NFYA: variants seen among roughly 807,000 people sequenced by gnomAD.
NFYA encodes the protein CAAT-box DNA binding protein subunit A.
Under a neutral mutation model 52.8 loss-of-function variants are expected in NFYA, and 28 were observed. That is an observed-to-expected ratio of 0.53 (90% CI 0.39 to 0.73). The LOEUF (loss-of-function observed/expected upper bound fraction) is 0.73. Among genes scored for constraint, NFYA ranks in the 30% least tolerant of loss-of-function variants. NFYA has a pLI of 0.00. For missense variants in NFYA, 234 were observed against 427.0 expected (o/e 0.55, Z 3.98); for synonymous variants, 150 against 150.7 (o/e 1.00, Z 0.03).
chr6:41,081,476 C>T (rs1403313826), intron 3 of NFYA, among the ~76,000 whole-genome samples: 3 of 150,134 alleles, frequency 2.0e-5, no homozygotes, highest in East Asian at 3.9e-4. Context: ...GGTGACAGAG[C>T]GAGACTCCGT....
In NFYA at chr6:41,100,308, A is replaced by C. The variant is rs1764464167; in HGVS notation, c.*2898A>C. Among the ~76,000 whole-genome samples, 1 of 152,224 alleles carries C rather than the reference A, an allele frequency of 6.6e-6. No individual in the cohort carries two copies. The highest frequency in any genetic ancestry group is 2.4e-5 in the African/African-American group (1 of 41,464). On this transcript the variant is annotated 3_prime_UTR_variant, in exon 10 of 10. Transcript: ENST00000341376. ...ACAGCCTTAAGTATTGTAGAATTTC[A>C]GGTAGTGAAGATGTACTATTTACGT... is the stretch of plus-strand genomic sequence containing the variant.
chr6:41,096,751 T>C (rs1312255614), intron 9 of NFYA, among the ~76,000 whole-genome samples: 1 of 152,200 alleles, frequency 6.6e-6, no homozygotes, highest in African/African-American at 2.4e-5. Flanking sequence ...CGGTAGGTCT[T>C]AAGTGAGAAA....
intron 9 of NFYA, 44 bp downstream of exon 9, chr6:41,094,541 A>G: frequency 6.6e-7 from 1 of 1,512,470 alleles, no homozygotes; most frequent in Non-Finnish European, 9.2e-7. Context: ...ATTACCTTGT[A>G]TTGACTTGAG....
chr6:41,091,846 C>A, intron 7 of NFYA, 152 bp downstream of exon 7: 1 of 856,346 alleles, frequency 1.2e-6, no homozygotes, highest in Non-Finnish European at 1.8e-6. Flanking sequence ...TTATGACAAA[C>A]CATAATTCAT....
chr6:41,094,348 T>C, intron 8 of NFYA, 48 bp from the exon 9 acceptor site: 1 of 1,516,952 alleles, frequency 6.6e-7, no homozygotes, highest in South Asian at 1.1e-5. Context: ...ATAACTGTGC[T>C]GGTTCTGGAT....
At chr6:41,089,458 G>A in intron 4 of NFYA, 121 bp from the exon 5 acceptor site, 2 of 1,117,938 alleles carry the variant, frequency 1.8e-6, no homozygotes, top group Non-Finnish European at 2.4e-6. Context: ...GGGCAGAGCA[G>A]GACTTCTTTT....
rs1461094632 is a variant in NFYA, at chr6:41,092,920, T to C, written c.723T>C (p.Pro241=). The part of the protein sequence containing the change: ...VNSGGMVMMV[P]GAGSVPAIQR... Reference sequence around the variant, plus strand: ...GTTTCCTGTTCACACAGATGGTTCCTGGGGCTGGCTCTGTGCCTGCTATCC... The same window carrying C: ...GTTTCCTGTTCACACAGATGGTTCCCGGGGCTGGCTCTGTGCCTGCTATCC... Residue 241 remains proline, a synonymous_variant, in exon 8 of 10, where the codon CCT becomes CCC. Coordinates refer to ENST00000341376, the MANE Select transcript of NFYA (RefSeq NM_002505.5). 6.2e-7 allele frequency: 1 copy of C among 1,613,288 alleles called. No individual in the cohort carries two copies. The highest frequency in any genetic ancestry group is 1.3e-5 in the African/African-American group (1 of 74,900).
chr6:41,095,098 C>A (rs1246175632), intron 9 of NFYA, among the ~76,000 whole-genome samples: 2 of 152,170 alleles, frequency 1.3e-5, no homozygotes, highest in Non-Finnish European at 2.9e-5. Context: ...AGCCTACTCT[C>A]CACATCCTAG....
chr6:41,073,221 G>C (rs1021198888), intron 1 of NFYA, 137 bp downstream of exon 1: 2 of 151,318 alleles, frequency 1.3e-5, no homozygotes, highest in African/African-American at 4.9e-5. Context: ...CGAGCCGGGC[G>C]GCCAGCGGCC....
intron 1 of NFYA, among the ~76,000 whole-genome samples, chr6:41,073,764 C>T (rs1372567033): frequency 2.0e-5 from 3 of 152,012 alleles, no homozygotes; most frequent in African/African-American, 7.2e-5. Flanking sequence ...GTTAGTTCGC[C>T]CACTCCCCCT....
rs556335484 is a variant in NFYA, at chr6:41,089,933, C to T, written c.441+223C>T. Among the ~76,000 whole-genome samples the T allele has an allele frequency of 2.8e-4, 42 of 152,164 alleles. No homozygotes were observed. The South Asian group carries it at 8.7e-3, about 32-fold the overall frequency. On this transcript the variant is annotated intron_variant, in intron 5 of 9. Coordinates refer to ENST00000341376, the MANE Select transcript of NFYA (RefSeq NM_002505.5). ...AAGAGATCAAGAACATCCTGGCCAA[C>T]ATGGTGAAGCCCCGTCAAAATACAA...
intron 3 of NFYA, among the ~76,000 whole-genome samples, chr6:41,081,247 T>C (rs1437369493): frequency 6.6e-6 from 1 of 152,184 alleles, no homozygotes; most frequent in Admixed American, 6.5e-5. Flanking sequence ...CCCAGCACTT[T>C]GGGAGGCCGA....
chr6:41,077,232 G>A (rs1425966933), intron 1 of NFYA, among the ~76,000 whole-genome samples: 1 of 152,100 alleles, frequency 6.6e-6, no homozygotes, highest in Non-Finnish European at 1.5e-5. Context: ...TCAATTTATT[G>A]AGAGATACTT....
chr6:41,096,335 G>A (rs899819291), intron 9 of NFYA, among the ~76,000 whole-genome samples: 1 of 152,292 alleles, frequency 6.6e-6, no homozygotes, highest in East Asian at 1.9e-4. Context: ...CATTCATAAC[G>A]GTGTATGAAT....
intron 1 of NFYA, among the ~76,000 whole-genome samples, chr6:41,074,724 G>A (rs1295973113): frequency 1.3e-5 from 2 of 152,236 alleles, no homozygotes; most frequent in Admixed American, 6.5e-5. Flanking sequence ...TTTGGAAACA[G>A]TTATTATTTT....
At chr6:41,091,306 A>G (rs757062179) in intron 6 of NFYA, among the ~76,000 whole-genome samples, 78 of 152,360 alleles carry the variant, frequency 5.1e-4, no homozygotes, top group Admixed American at 1.2e-3. Flanking sequence ...AGAGTTACTC[A>G]AAACTGGGAC....
rs1763832146 is a variant in NFYA at position 41,078,992 on chromosome 6, A to G, written c.-61-37A>G. 5.9e-6 allele frequency: 6 copies of G among 1,012,740 alleles called. No individual in the cohort carries two copies. In the Admixed American group the frequency reaches 9.8e-5, roughly 17 times the overall value. The allele number at this position is 1,012,740 out of a possible 1,614,324, so 62.7% of individuals were successfully genotyped here. A position where few individuals can be genotyped will look rare whatever the true frequency, so the allele number is the denominator to read the frequency against. On this transcript the variant is annotated intron_variant, in intron 1 of 9. Transcript: ENST00000341376. ...ATTGTCTGGTAAGGCCTTTATTGAC[A>G]ATCTCACTTTAGTTTCTTTCCCCAC...
rs922097481 is a variant in NFYA, at chr6:41,098,179, T to G, written c.*769T>G. ...CTTGCTGTGGCTACTTCTAAGACAA[T>G]GTAGAGGGTTATTAAACCTTGAAAC... On this transcript the variant is annotated 3_prime_UTR_variant, in exon 10 of 10. Coordinates refer to ENST00000341376, the MANE Select transcript of NFYA (RefSeq NM_002505.5). The G allele has an allele frequency of 6.6e-6, 1 of 152,660 alleles. No individual in the cohort carries two copies. The highest frequency in any genetic ancestry group is 1.5e-5 in the Non-Finnish European group (1 of 68,050). The allele number at this position is 152,660 out of a possible 1,614,324, so 9.5% of individuals were successfully genotyped here. A position where few individuals can be genotyped will look rare whatever the true frequency, so the allele number is the denominator to read the frequency against.
At chr6:41,086,367 T>A (rs1224247068) in intron 4 of NFYA, among the ~76,000 whole-genome samples, 1 of 152,176 alleles carries the variant, frequency 6.6e-6, no homozygotes, top group Admixed American at 6.5e-5. Flanking sequence ...TATTTTGCTA[T>A]AAGGAACCTT....
Sources: allele counts gnomAD v4.1 joint callset (sites outside exome capture counted in the v4.1 genomes callset), GRCh38; gene constraint gnomAD v4.1.1; transcripts MANE v1.5; gene names NCBI Gene and HGNC (gene_info 2026-07-23, HGNC 2026-07-21).